The following CSMD1 variants were observed in gnomAD, a reference collection of about 807,000 sequenced individuals.
CSMD1 encodes the protein CUB and Sushi multiple domains 1.
Under a neutral mutation model 417.5 loss-of-function variants are expected in CSMD1, and 213 were observed. The ratio of observed to expected loss-of-function variants is 0.51; its 90% CI spans 0.46 to 0.57. The LOEUF is 0.57. CSMD1 is among the 20% of genes least tolerant of loss of function. The pLI is 0.00. For synonymous variants in CSMD1, 2,862 were observed against 1,736.8 expected (o/e 1.65, Z -16.11); for missense variants, 6,923 against 4,529.7 (o/e 1.53, Z -15.17).
chr8:4,508,972 C>A (rs990823999), intron 2 of CSMD1, among the ~76,000 whole-genome samples: 1 of 151,910 alleles, frequency 6.6e-6, no homozygotes, highest in South Asian at 2.1e-4. Flanking sequence ...AGCTTTCCTG[C>A]GGCTGTGACA....
intron 1 of CSMD1, among the ~76,000 whole-genome samples, chr8:4,858,805 A>T (rs986164012): frequency 1.4e-5 from 2 of 144,242 alleles, no homozygotes; most frequent in Non-Finnish European, 3.0e-5. Flanking sequence ...GCTCATGGGT[A>T]GGAAGAATCA....
chr8:3,914,679 T>C (rs924467088), intron 5 of CSMD1, among the ~76,000 whole-genome samples: 1 of 152,204 alleles, frequency 6.6e-6, no homozygotes, highest in Non-Finnish European at 1.5e-5. Context: ...TTAAGTCAGC[T>C]TGGTTGTCAA....
At chr8:3,526,392 T>C (rs1395691493) in intron 10 of CSMD1, among the ~76,000 whole-genome samples, 4 of 152,136 alleles carry the variant, frequency 2.6e-5, no homozygotes, top group Non-Finnish European at 5.9e-5. Flanking sequence ...TCTTCAATCC[T>C]AAATATATTT....
intron 11 of CSMD1, among the ~76,000 whole-genome samples, chr8:3,477,986 T>A (rs935588529): frequency 2.0e-5 from 3 of 152,184 alleles, no homozygotes; most frequent in African/African-American, 7.2e-5. Flanking sequence ...ATAATCATAT[T>A]ATTAAATACA....
At chr8:3,322,797 T>C (rs1806238905) in intron 23 of CSMD1, among the ~76,000 whole-genome samples, 2 of 152,216 alleles carry the variant, frequency 1.3e-5, no homozygotes, top group African/African-American at 4.8e-5. Flanking sequence ...AGGAGGCATT[T>C]CTCCTGTCCA....
intron 12 of CSMD1, among the ~76,000 whole-genome samples, chr8:3,449,719 T>C (rs566546908): frequency 1.3e-5 from 2 of 152,272 alleles, no homozygotes; most frequent in Non-Finnish European, 1.5e-5. Context: ...GGTTTCACCA[T>C]GTTGGTCAGG....
intron 5 of CSMD1, among the ~76,000 whole-genome samples, chr8:3,926,433 G>A (rs1049886901): frequency 1.8e-4 from 27 of 149,498 alleles, no homozygotes; most frequent in African/African-American, 6.3e-4. Flanking sequence ...AGCTAATATA[G>A]AGTCTGTTAT....
At chr8:4,920,595 G>T (rs1194864320) in intron 1 of CSMD1, among the ~76,000 whole-genome samples, 1 of 152,082 alleles carries the variant, frequency 6.6e-6, no homozygotes, top group Non-Finnish European at 1.5e-5. Context: ...GCTGAGGCAG[G>T]TGGATCACCT....
chr8:3,254,841 T>G (rs1800531965), intron 26 of CSMD1, among the ~76,000 whole-genome samples: 1 of 152,150 alleles, frequency 6.6e-6, no homozygotes, highest in African/African-American at 2.4e-5. Context: ...TCGGGGTCGT[T>G]TGCTAGTCTG....
chr8:3,927,032 G>C (rs893160822), intron 5 of CSMD1, among the ~76,000 whole-genome samples: 1 of 151,638 alleles, frequency 6.6e-6, no homozygotes, highest in Non-Finnish European at 1.5e-5. Flanking sequence ...ATCTTTAAAA[G>C]TACTTTTTGT....
intron 3 of CSMD1, among the ~76,000 whole-genome samples, chr8:4,173,197 G>C (rs1797861766): frequency 6.6e-6 from 1 of 152,102 alleles, no homozygotes; most frequent in Non-Finnish European, 1.5e-5. Context: ...AATTAAAAGT[G>C]AATTTCAGAT....
Position 4,104,413 on chromosome 8 carries a change from C to G in CSMD1, c.416-72314G>C, listed in dbSNP as rs77192888. On this transcript the variant is annotated intron_variant, in intron 3 of 69. Transcript: ENST00000635120. ...ACACACACGTGTACACACATGCACACGCACACACACATGCGCACACGCATG... is the reference window on the plus strand; with the variant it reads ...ACACACACGTGTACACACATGCACAGGCACACACACATGCGCACACGCATG... Among the ~76,000 whole-genome samples the G allele has an allele frequency of 5.5e-5, 8 of 145,716 alleles. No homozygotes were observed. The East Asian group carries it at 1.7e-3, about 30-fold the overall frequency.
chr8:4,607,331 G>C (rs896696257), intron 2 of CSMD1, among the ~76,000 whole-genome samples: 3 of 152,156 alleles, frequency 2.0e-5, no homozygotes, highest in Non-Finnish European at 4.4e-5. Context: ...TTAAGGGTTA[G>C]GGAGTGCGGG....
intron 13 of CSMD1, 133 bp downstream of exon 13, chr8:3,409,290 C>G (rs1812533646): frequency 9.9e-6 from 7 of 709,412 alleles, no homozygotes; most frequent in Middle Eastern, 4.2e-4. Flanking sequence ...TTGCACGTTT[C>G]CAGTAAATGT....
At chr8:4,990,010 G>C (rs983898877) in intron 1 of CSMD1, among the ~76,000 whole-genome samples, 1 of 152,144 alleles carries the variant, frequency 6.6e-6, no homozygotes, top group African/African-American at 2.4e-5. Context: ...AGCATGATTG[G>C]CCAGCTGAAA....
chr8:4,007,274 G>C (rs1367343919), intron 4 of CSMD1, among the ~76,000 whole-genome samples: 2 of 152,152 alleles, frequency 1.3e-5, no homozygotes, highest in Admixed American at 6.5e-5. Context: ...ACCAGGCCCT[G>C]AAAGGCATTA....
rs534413382 is a variant in CSMD1 at position 4,239,368 on chromosome 8, G to A, written c.415+180585C>T. ...CCTTGGTGGAACTGCCAATGAAGCT[G>A]TTTTCTCATTTGGCCATGGTTGGGA... On this transcript the variant is annotated intron_variant, in intron 3 of 69. Transcript: ENST00000635120. Among the ~76,000 whole-genome samples the A allele has an allele frequency of 6.6e-5, 10 of 152,280 alleles. No individual in the cohort carries two copies. In the South Asian group the frequency reaches 1.9e-3, roughly 28 times the overall value.
intron 10 of CSMD1, among the ~76,000 whole-genome samples, chr8:3,543,350 A>T (rs527578325): frequency 6.6e-6 from 1 of 152,320 alleles, no homozygotes; most frequent in Non-Finnish European, 1.5e-5. Flanking sequence ...ATTTTGAGCA[A>T]ACTAGAGATA....
intron 3 of CSMD1, among the ~76,000 whole-genome samples, chr8:4,340,107 G>T (rs1032696712): frequency 2.6e-5 from 4 of 152,098 alleles, no homozygotes; most frequent in African/African-American, 9.7e-5. Context: ...GTTAACCTTA[G>T]AAGTTTTGTT....
Sources: gnomAD v4.1 joint callset for allele counts (sites outside exome capture counted in the v4.1 genomes callset) on GRCh38, gnomAD v4.1.1 for gene constraint, MANE v1.5 for transcripts, NCBI Gene and HGNC (gene_info 2026-07-23, HGNC 2026-07-21) for gene names.